Variants in SRGAP2 observed in about 807,000 individuals in gnomAD.
SRGAP2 encodes SLIT-ROBO Rho GTPase-activating protein 2.
Under a neutral mutation model 57.2 loss-of-function variants are expected in SRGAP2, and 15 were observed. The ratio of observed to expected loss-of-function variants is 0.26; its 90% CI spans 0.18 to 0.40. SRGAP2 has a LOEUF of 0.40. SRGAP2 is among the 10% of genes least tolerant of loss of function. The probability of loss-of-function intolerance (pLI) is 1.00; values close to 1 mark genes in which losing one functional copy is unlikely to be tolerated. For synonymous variants in SRGAP2, 249 were observed against 248.0 expected, an observed-to-expected ratio of 1.00 and a Z score of -0.04; for missense variants, 520 against 669.6, an observed-to-expected ratio of 0.78 and a Z score of 2.47.
At chr1:206,365,531 G>A (rs1571967681) in intron 4 of SRGAP2, among the ~76,000 whole-genome samples, 3 of 146,978 alleles carry the variant, frequency 2.0e-5, no homozygotes. Context: ...TCCTAAGATA[G>A]ATTGTCTGAG....
Position 206,461,222 on chromosome 1 carries a change from C to A in SRGAP2, c.3018C>A (p.Pro1006=). The A allele has an allele frequency of 1.3e-6, 1 of 780,654 alleles. No homozygotes were observed. Among genetic ancestry groups the A allele is most frequent in the Non-Finnish European group, 2.4e-6 (1 of 417,858 alleles). The allele number at this position is 780,654 out of a possible 1,614,324, so 48.4% of individuals were successfully genotyped here. The part of the protein sequence containing the change: ...LHTQLLKDPE[P]AFQRSASTAG... The stretch of plus-strand genomic sequence containing the variant: ...CCCAGCTCCTCAAGGACCCCGAGCC[C>A]GCCTTCCAGCGCAGCGCCAGTACTG... Residue 1006 remains proline, a synonymous_variant, in exon 23 of 23, where the codon CCC becomes CCA. Transcript: ENST00000573034.
intron 4 of SRGAP2, among the ~76,000 whole-genome samples, chr1:206,359,221 C>A (rs782467641): frequency 0.065 from 6,876 of 105,754 alleles, 293 homozygotes; most frequent in Non-Finnish European, 0.084. Context: ...TTCCTTTTGA[C>A]CAGCAATGGG....
chr1:206,304,638 A>T (rs1672082478), intron 3 of SRGAP2, among the ~76,000 whole-genome samples: 1 of 151,018 alleles, frequency 6.6e-6, no homozygotes, highest in Non-Finnish European at 1.5e-5. Context: ...GTTTCTCTCC[A>T]TTCCAATCTG....
chr1:206,438,020 G>A lies in SRGAP2; in HGVS notation c.1690G>A (p.Val564Ile). Residue 564 changes from valine (V) to isoleucine (I), a missense_variant, in exon 16 of 23, where the codon GTC (valine) becomes ATC (isoleucine). By Grantham distance (29) the Val-to-Ile change is conservative. This residue lies in a region of SRGAP2 where 478 missense variants were observed against 373.6 expected (regional missense o/e 1.28). Coordinates refer to ENST00000573034, the MANE Select transcript of SRGAP2 (RefSeq NM_015326.5). Reference protein sequence around the residue: ...NDHDMDSIAGVLKLYFRGLEH... With the variant: ...NDHDMDSIAGILKLYFRGLEH... ...CCATGACATGGATTCCATAGCTGGTGTCCTGAAGCTTTACTTCCGGGGGCT... is the reference window on the plus strand; with the variant it reads ...CCATGACATGGATTCCATAGCTGGTATCCTGAAGCTTTACTTCCGGGGGCT... 1.3e-6 allele frequency: 1 copy of A among 780,880 alleles called. No homozygotes were observed. Among genetic ancestry groups the A allele is most frequent in the Non-Finnish European group, 2.4e-6 (1 of 417,962 alleles). 48.4% of individuals were successfully genotyped at this position (780,880 alleles called of 1,614,324 possible). A position where few individuals can be genotyped will look rare whatever the true frequency, so the allele number is the denominator to read the frequency against.
chr1:206,268,088 T>A lies in SRGAP2; in HGVS notation c.68-35193T>A, dbSNP rs1216872165. Among the ~76,000 whole-genome samples, 459 of 150,810 alleles carry A rather than the reference T, an allele frequency of 3.0e-3. 1 individual carries two copies. Among genetic ancestry groups the A allele is most frequent in the African/African-American group, 0.011 (442 of 40,930 alleles). On this transcript the variant is annotated intron_variant, in intron 2 of 22. Coordinates refer to ENST00000573034, the MANE Select transcript of SRGAP2 (RefSeq NM_015326.5). The stretch of plus-strand genomic sequence containing the variant: ...CATGGACTATATATATATATTTTTT[T>A]TTTTTTTTAAATTATACTTTAAGTT...
At chr1:206,332,823 T>G (rs1206538504) in intron 3 of SRGAP2, among the ~76,000 whole-genome samples, 2 of 151,948 alleles carry the variant, frequency 1.3e-5, no homozygotes, top group African/African-American at 4.8e-5. Context: ...AAAATCATTC[T>G]CCATCCAGCT....
At chr1:206,253,748 A>AT (rs1321069617) in intron 2 of SRGAP2, among the ~76,000 whole-genome samples, 5 of 147,990 alleles carry the variant, frequency 3.4e-5, no homozygotes, top group Admixed American at 6.7e-5. Flanking sequence ...GGCCCGGCTA[A>AT]TTTTTTTTGT....
intron 13 of SRGAP2, among the ~76,000 whole-genome samples, chr1:206,424,993 G>A (rs1303029744): frequency 3.9e-5 from 6 of 152,186 alleles, no homozygotes; most frequent in East Asian, 1.9e-4. Context: ...TGGTAACCAC[G>A]GACATGCAGG....
intron 17 of SRGAP2, among the ~76,000 whole-genome samples, chr1:206,445,623 A>T (rs1348812689): frequency 6.6e-6 from 1 of 152,218 alleles, no homozygotes; most frequent in Non-Finnish European, 1.5e-5. Context: ...GAAGGTACAC[A>T]ATGCACAGTG....
intron 3 of SRGAP2, among the ~76,000 whole-genome samples, chr1:206,303,933 C>A (rs1290524418): frequency 6.6e-6 from 1 of 152,096 alleles, no homozygotes; most frequent in Non-Finnish European, 1.5e-5. Flanking sequence ...CACTCACACA[C>A]CCCTAGTAAA....
intron 17 of SRGAP2, 142 bp downstream of exon 17, chr1:206,440,223 T>C (rs1161222729): frequency 5.0e-6 from 3 of 604,806 alleles, no homozygotes; most frequent in African/African-American, 3.7e-5. Context: ...GCTAGACTTA[T>C]TTAATACATC....
chr1:206,311,475 C>A (rs1388667797), intron 3 of SRGAP2, among the ~76,000 whole-genome samples: 1 of 151,858 alleles, frequency 6.6e-6, no homozygotes. Flanking sequence ...ACAGTTGAGA[C>A]AATGGAGAAG....
At chr1:206,429,750 G>T (rs551374989) in intron 13 of SRGAP2, among the ~76,000 whole-genome samples, 4 of 152,230 alleles carry the variant, frequency 2.6e-5, no homozygotes, top group Non-Finnish European at 4.4e-5. Context: ...ACTATGTGAA[G>T]GAAGAGAAAT....
intron 2 of SRGAP2, among the ~76,000 whole-genome samples, chr1:206,285,963 G>A (rs1671000905): frequency 6.6e-6 from 1 of 152,172 alleles, no homozygotes; most frequent in Non-Finnish European, 1.5e-5. Context: ...ACCACACCTG[G>A]CCCATCACAC....
At chr1:206,262,989 C>T (rs879996148) in intron 2 of SRGAP2, among the ~76,000 whole-genome samples, 51 of 138,140 alleles carry the variant, frequency 3.7e-4, no homozygotes, top group Non-Finnish European at 7.2e-4. Context: ...GAATACAGAG[C>T]GTACCTGAAT....
chr1:206,449,672 G>T (rs1411136029), intron 18 of SRGAP2, among the ~76,000 whole-genome samples: 1 of 151,982 alleles, frequency 6.6e-6, no homozygotes, highest in Non-Finnish European at 1.5e-5. Flanking sequence ...CTGCCCTGTA[G>T]CCCATAGCAG....
intron 2 of SRGAP2, among the ~76,000 whole-genome samples, chr1:206,227,325 T>A: frequency 6.6e-6 from 1 of 152,236 alleles, no homozygotes; most frequent in Non-Finnish European, 1.5e-5. Context: ...TTTATTCGGT[T>A]AGAGAGATTT....
intron 2 of SRGAP2, among the ~76,000 whole-genome samples, chr1:206,241,109 G>A (rs1276395865): frequency 9.9e-5 from 15 of 152,268 alleles, no homozygotes; most frequent in Admixed American, 2.0e-4. Flanking sequence ...ACCTAAGCCC[G>A]GAAGGTCGAG....
At chr1:206,418,581 A>G (rs1435041977) in intron 11 of SRGAP2, among the ~76,000 whole-genome samples, 1 of 152,206 alleles carries the variant, frequency 6.6e-6, no homozygotes, top group African/African-American at 2.4e-5. Flanking sequence ...AGCAATATAT[A>G]TTACATCATT....
Sources: allele counts gnomAD v4.1 joint callset (sites outside exome capture counted in the v4.1 genomes callset), GRCh38; gene constraint gnomAD v4.1.1; regional missense constraint gnomAD v4.1.1; transcripts MANE v1.5; gene names NCBI Gene and HGNC (gene_info 2026-07-23, HGNC 2026-07-21).